The following CCDC148 variants were observed in gnomAD, a reference collection of about 807,000 sequenced individuals.
CCDC148 encodes the protein coiled-coil domain containing 148, also known as coiled-coil domain-containing protein 148.
In CCDC148, 89 loss-of-function variants were observed where a neutral mutation model predicts 85.7. The observed-to-expected ratio is 1.04, with a 90% CI of 0.87 to 1.24. CCDC148 has a LOEUF of 1.24. CCDC148 is among the 50% of genes most tolerant of loss of function. CCDC148 has a pLI of 0.00. For synonymous variants in CCDC148, 230 were observed against 213.9 expected, an observed-to-expected ratio of 1.08 and a Z score of -0.66; for missense variants, 692 against 671.7, an observed-to-expected ratio of 1.03 and a Z score of -0.33.
At chr2:158,373,499 T>C (rs762187178) in intron 1 of CCDC148, among the ~76,000 whole-genome samples, 1 of 152,084 alleles carries the variant, frequency 6.6e-6, no homozygotes, top group Non-Finnish European at 1.5e-5. Flanking sequence ...GTTGCCTCTC[T>C]GACCAATACC....
chr2:158,394,856 G>A (rs1189126291), intron 1 of CCDC148, among the ~76,000 whole-genome samples: 6 of 151,802 alleles, frequency 4.0e-5, no homozygotes, highest in Non-Finnish European at 8.8e-5. Context: ...CTCCTCCAAC[G>A]CCAAAACTCT....
At chr2:158,418,846 T>C (rs1686634885) in intron 1 of CCDC148, among the ~76,000 whole-genome samples, 1 of 152,144 alleles carries the variant, frequency 6.6e-6, no homozygotes, top group Non-Finnish European at 1.5e-5. Context: ...ACAATAAACG[T>C]GTTTTAATGA....
chr2:158,405,466 A>G (rs1224234329), intron 1 of CCDC148, among the ~76,000 whole-genome samples: 5 of 152,152 alleles, frequency 3.3e-5, no homozygotes, highest in African/African-American at 1.2e-4. Context: ...TTAATTGAGG[A>G]TAATCCAAAC....
intron 10 of CCDC148, among the ~76,000 whole-genome samples, chr2:158,230,419 C>T (rs66922751): frequency 0.081 from 12,375 of 152,082 alleles, 512 homozygotes; most frequent in East Asian, 0.17. Context: ...GAAACACCCA[C>T]GGGAAGAGAT....
chr2:158,203,088 C>T (rs1404029972), intron 11 of CCDC148, among the ~76,000 whole-genome samples: 2 of 152,148 alleles, frequency 1.3e-5, no homozygotes, highest in African/African-American at 4.8e-5. Flanking sequence ...TGATTGGAGT[C>T]ATAATGAAAG....
intron 1 of CCDC148, among the ~76,000 whole-genome samples, chr2:158,428,136 G>T (rs111770083): frequency 3.3e-5 from 5 of 152,258 alleles, no homozygotes; most frequent in African/African-American, 1.2e-4. Flanking sequence ...GCAGATTTGG[G>T]TGGAGGATTA....
At chr2:158,307,205 A>G (rs937351182) in intron 9 of CCDC148, among the ~76,000 whole-genome samples, 1 of 152,110 alleles carries the variant, frequency 6.6e-6, no homozygotes. Flanking sequence ...AGAATATATA[A>G]AGAACATACA....
chr2:158,274,222 A>G (rs1344473876), intron 9 of CCDC148, among the ~76,000 whole-genome samples: 3 of 152,188 alleles, frequency 2.0e-5, no homozygotes, highest in Non-Finnish European at 4.4e-5. Context: ...AGCTTGTTAG[A>G]TATGCAGTCT....
At chr2:158,255,789 G>A (rs146818896) in intron 9 of CCDC148, among the ~76,000 whole-genome samples, 3,132 of 151,796 alleles carry the variant, frequency 0.021, 36 homozygotes, top group South Asian at 0.024. Flanking sequence ...GTGGCAGCCA[G>A]GAGTGTGTGT....
intron 9 of CCDC148, among the ~76,000 whole-genome samples, chr2:158,286,305 T>C (rs1690621567): frequency 6.6e-6 from 1 of 152,202 alleles, no homozygotes; most frequent in Non-Finnish European, 1.5e-5. Context: ...GGAGTAGCCA[T>C]TCTTTATTCT....
chr2:158,281,203 T>A (rs1690274251), intron 9 of CCDC148, among the ~76,000 whole-genome samples: 1 of 151,282 alleles, frequency 6.6e-6, no homozygotes, highest in South Asian at 2.1e-4. Flanking sequence ...CACCCTAACA[T>A]CACAATTAAA....
intron 1 of CCDC148, among the ~76,000 whole-genome samples, chr2:158,395,103 CA>C (rs991410462): frequency 5.3e-5 from 8 of 151,164 alleles, no homozygotes; most frequent in Admixed American, 1.3e-4. Context: ...AATTCACAGC[CA>C]AAAAAAATGC....
intron 1 of CCDC148, chr2:158,365,945 T>A: frequency 9.0e-7 from 1 of 1,112,616 alleles, no homozygotes; most frequent in Non-Finnish European, 1.3e-6. Flanking sequence ...AACATTCCAA[T>A]TGTGTATCAT....
At chr2:158,253,922 G>GC (rs1688907680) in intron 9 of CCDC148, among the ~76,000 whole-genome samples, 1 of 151,494 alleles carries the variant, frequency 6.6e-6, no homozygotes, top group African/African-American at 2.4e-5. Flanking sequence ...AATTATTCTT[G>GC]CCAAAAAATA....
Position 158,417,824 on chromosome 2 carries a change from T to A in CCDC148, c.25+38591A>T, listed in dbSNP as rs1410197092. Among the ~76,000 whole-genome samples, 4 of 152,290 alleles carry A rather than the reference T, an allele frequency of 2.6e-5. No homozygotes were observed. In the South Asian group the frequency reaches 8.3e-4, roughly 32 times the overall value. On this transcript the variant is annotated intron_variant, in intron 1 of 13. Transcript: ENST00000283233. ...GGATTAGTGGAACCCTGAAGTTCAT[T>A]TGTAGATCCCCCTGAGGCATAAAGA...
At position 158,250,800 on chromosome 2, in the gene CCDC148, A is replaced by T; in HGVS notation, c.1223T>A (p.Leu408Ter). Reference sequence around the variant, plus strand: ...TTTTTTCTTCTCTGCTCTTTGCAACAATTCCTTCTTCTTCCACAGTTTCTC... The same window carrying T: ...TTTTTTCTTCTCTGCTCTTTGCAACTATTCCTTCTTCTTCCACAGTTTCTC... ...EKEKLWKKKE[L>*]LQRAEKKKKI... Residue 408 changes from leucine to a stop codon, truncating the protein, a stop_gained, in exon 10 of 14, where the codon TTG becomes TAG. Coordinates refer to ENST00000283233, the MANE Select transcript of CCDC148 (RefSeq NM_138803.4). LOFTEE classifies it high-confidence loss of function. 6.3e-7 allele frequency: 1 copy of T among 1,591,244 alleles called. No individual in the cohort carries two copies. Among genetic ancestry groups the T allele is most frequent in the Non-Finnish European group, 8.5e-7 (1 of 1,170,668 alleles).
chr2:158,281,453 C>T (rs548532928), intron 9 of CCDC148, among the ~76,000 whole-genome samples: 91 of 152,052 alleles, frequency 6.0e-4, no homozygotes, highest in African/African-American at 1.7e-3. Flanking sequence ...ATATCACCAC[C>T]GATCCCACAG....
intron 1 of CCDC148, among the ~76,000 whole-genome samples, chr2:158,373,286 A>G (rs1003869845): frequency 6.6e-6 from 1 of 152,054 alleles, no homozygotes; most frequent in African/African-American, 2.4e-5. Flanking sequence ...AGAGGCTCCA[A>G]AGGAATACAG....
At chr2:158,319,270 A>T (rs1692418616) in intron 7 of CCDC148, among the ~76,000 whole-genome samples, 1 of 152,172 alleles carries the variant, frequency 6.6e-6, no homozygotes, top group Non-Finnish European at 1.5e-5. Context: ...AGGAAAAATG[A>T]GCCCCATCTC....
Sources: allele counts gnomAD v4.1 joint callset (sites outside exome capture counted in the v4.1 genomes callset), GRCh38; gene constraint gnomAD v4.1.1; transcripts MANE v1.5; gene names NCBI Gene and HGNC (gene_info 2026-07-23, HGNC 2026-07-21).